The following CHCHD3 variants were observed in gnomAD, a reference collection of about 807,000 sequenced individuals.
The protein encoded by CHCHD3 is coiled-coil-helix-coiled-coil-helix domain containing 3, also known as MICOS complex subunit MIC19.
Under a neutral mutation model 38.2 loss-of-function variants are expected in CHCHD3, and 20 were observed. That is an observed-to-expected ratio of 0.52 (90% CI 0.37 to 0.76). CHCHD3 has a LOEUF of 0.76. Ranked by LOEUF, CHCHD3 falls within the 30% of genes least tolerant of loss-of-function variation. The probability of loss-of-function intolerance (pLI) is 0.00; values close to 1 mark genes in which losing one functional copy is unlikely to be tolerated. For missense variants in CHCHD3, 245 were observed against 279.2 expected, an observed-to-expected ratio of 0.88 and a Z score of 0.87; for synonymous variants, 82 against 100.0, an observed-to-expected ratio of 0.82 and a Z score of 1.07.
chr7:132,843,159 TC>T (rs922542378), intron 5 of CHCHD3, among the ~76,000 whole-genome samples: 6 of 152,168 alleles, frequency 3.9e-5, no homozygotes, highest in African/African-American at 1.4e-4. Flanking sequence ...TGCCTCAGCC[TC>T]CCGAGTAGCT....
At chr7:132,840,451 G>A (rs910019193) in intron 5 of CHCHD3, among the ~76,000 whole-genome samples, 24 of 152,220 alleles carry the variant, frequency 1.6e-4, no homozygotes, top group Non-Finnish European at 1.6e-4. Flanking sequence ...CACTGGAACT[G>A]TAATATCTGG....
chr7:132,904,890 A>G (rs1269594402), intron 4 of CHCHD3, among the ~76,000 whole-genome samples: 1 of 152,188 alleles, frequency 6.6e-6, no homozygotes, highest in Non-Finnish European at 1.5e-5. Flanking sequence ...GCACATATAC[A>G]CCATGGAATA....
intron 5 of CHCHD3, among the ~76,000 whole-genome samples, chr7:132,844,221 C>T (rs1424812699): frequency 6.6e-6 from 1 of 152,154 alleles, no homozygotes; most frequent in Non-Finnish European, 1.5e-5. Flanking sequence ...TTGCTTGAAC[C>T]CAGGAGTCAG....
chr7:132,797,834 A>G (rs1290896863), intron 6 of CHCHD3, among the ~76,000 whole-genome samples: 1 of 152,168 alleles, frequency 6.6e-6, no homozygotes, highest in Admixed American at 6.5e-5. Flanking sequence ...ACGGCAGGGA[A>G]GTTTGGACTG....
intron 5 of CHCHD3, among the ~76,000 whole-genome samples, chr7:132,881,794 T>C (rs1187273146): frequency 6.6e-6 from 1 of 152,190 alleles, no homozygotes; most frequent in African/African-American, 2.4e-5. Context: ...TGTGCAGAAT[T>C]CCTAATAGAA....
At chr7:132,913,282 A>G (rs934659432) in intron 4 of CHCHD3, among the ~76,000 whole-genome samples, 1 of 152,210 alleles carries the variant, frequency 6.6e-6, no homozygotes, top group Admixed American at 6.5e-5. Context: ...AAGGATCTCA[A>G]AGTCAAATGG....
Position 133,035,355 on chromosome 7 carries a change from C to A in CHCHD3, c.170-10728G>T, listed in dbSNP as rs576398884. On this transcript the variant is annotated intron_variant, in intron 2 of 7. Coordinates refer to ENST00000262570, the MANE Select transcript of CHCHD3 (RefSeq NM_017812.4). This position sits in a 1 kb window ranked among gnomAD's most constrained non-coding sequence, Gnocchi z 4.7. ...CTGGTTAATGCAGGTGAGGAACCAG[C>A]GGTTGGTATTGCGAAAGGCCCGGCG... The A allele has an allele frequency of 5.0e-6, 8 of 1,611,718 alleles. No homozygotes were observed. Among genetic ancestry groups the A allele is most frequent in the Non-Finnish European group, 5.1e-6 (6 of 1,177,846 alleles).
intron 5 of CHCHD3, among the ~76,000 whole-genome samples, chr7:132,868,070 A>G (rs1808675651): frequency 6.6e-6 from 1 of 152,202 alleles, no homozygotes; most frequent in African/African-American, 2.4e-5. Context: ...AATGCCCATA[A>G]TTTTATACTG....
chr7:133,014,580 T>C (rs1480654967), intron 3 of CHCHD3, among the ~76,000 whole-genome samples: 1 of 150,196 alleles, frequency 6.7e-6, no homozygotes, highest in Non-Finnish European at 1.5e-5. Flanking sequence ...AAAAGGCAAA[T>C]AAATACTAAC....
At position 132,998,427 on chromosome 7, in the gene CHCHD3, C is replaced by G. The variant is rs138022993; in HGVS notation, c.252-23141G>C. 4.2e-3 allele frequency among the ~76,000 whole-genome samples: 636 copies of G among 152,278 alleles called. 6 individuals carry two copies. The highest frequency in any genetic ancestry group is 0.014 in the African/African-American group (593 of 41,554). On this transcript the variant is annotated intron_variant, in intron 3 of 7. Transcript: ENST00000262570. ...ACGCCAGGCAAACCTTTAACCTAAA[C>G]TTGGAACTGGGGTCTCAGGTGTGAA...
At chr7:132,803,812 T>G (rs1806847976) in intron 6 of CHCHD3, among the ~76,000 whole-genome samples, 1 of 136,950 alleles carries the variant, frequency 7.3e-6, no homozygotes, top group Non-Finnish European at 1.6e-5. Context: ...AGCCAGTCCC[T>G]CTGTTTTTTC....
chr7:132,815,453 C>T, intron 6 of CHCHD3: 2 of 389,446 alleles, frequency 5.1e-6, no homozygotes, highest in Non-Finnish European at 1.0e-5. Flanking sequence ...GACATTTTAC[C>T]AGTTGTTCTT....
chr7:132,939,363 T>C (rs1318413561), intron 4 of CHCHD3, among the ~76,000 whole-genome samples: 1 of 152,200 alleles, frequency 6.6e-6, no homozygotes, highest in African/African-American at 2.4e-5. Context: ...AAGAGCCCTA[T>C]ACAAGTATAC....
intron 6 of CHCHD3, among the ~76,000 whole-genome samples, chr7:132,800,890 CATCCTTCATGGG>C (rs1806775009): frequency 6.6e-6 from 1 of 152,108 alleles, no homozygotes; most frequent in Non-Finnish European, 1.5e-5. Flanking sequence ...TCTGATAATG[CATCCTTCATGGG>C]ATCAGGTGGT....
intron 2 of CHCHD3, among the ~76,000 whole-genome samples, chr7:133,040,648 T>C (rs1307884504): frequency 6.6e-6 from 1 of 152,248 alleles, no homozygotes; most frequent in Admixed American, 6.5e-5. Context: ...CAAAAAAGTA[T>C]ACAAGCATCT....
chr7:133,037,738 G>A (rs1478885366), intron 2 of CHCHD3, among the ~76,000 whole-genome samples: 1 of 152,118 alleles, frequency 6.6e-6, no homozygotes, highest in East Asian at 1.9e-4. Context: ...GCTCAAACCC[G>A]GGAAGCAGAG....
chr7:132,801,803 T>C (rs538253956), intron 6 of CHCHD3, among the ~76,000 whole-genome samples: 5 of 152,362 alleles, frequency 3.3e-5, no homozygotes, highest in African/African-American at 1.2e-4. Context: ...AGTTTCTATC[T>C]GAAAATACTT....
chr7:132,936,922 G>A lies in CHCHD3; in HGVS notation c.369+38247C>T, dbSNP rs574833646. Among the ~76,000 whole-genome samples the A allele has an allele frequency of 3.9e-5, 6 of 152,274 alleles. No homozygotes were observed. In the South Asian group the frequency reaches 1.2e-3, roughly 32 times the overall value. On this transcript the variant is annotated intron_variant, in intron 4 of 7. Coordinates refer to ENST00000262570, the MANE Select transcript of CHCHD3 (RefSeq NM_017812.4). ...TTGGTAGCCATTGTCAAGAAAATTG[G>A]AGTTGCTCAGGCATAGCAGAGTTAC...
At chr7:132,886,379 AACAAGTATAAT>A (rs1271290505) in intron 4 of CHCHD3, among the ~76,000 whole-genome samples, 2 of 151,972 alleles carry the variant, frequency 1.3e-5, no homozygotes, top group Non-Finnish European at 2.9e-5. Flanking sequence ...ACAAAATCAA[AACAAGTATAAT>A]ATTTTTGGTT....
Sources: gnomAD v4.1 joint callset for allele counts (sites outside exome capture counted in the v4.1 genomes callset) on GRCh38, gnomAD v4.1.1 for gene constraint, Gnocchi (gnomAD v3.1) non-coding constraint, MANE v1.5 for transcripts, NCBI Gene and HGNC (gene_info 2026-07-23, HGNC 2026-07-21) for gene names.